Variants in BCAS1 observed in about 807,000 individuals in gnomAD.
BCAS1 encodes the protein brain enriched myelin associated protein 1.
Under a neutral mutation model 65.4 loss-of-function variants are expected in BCAS1, and 46 were observed. The ratio of observed to expected loss-of-function variants is 0.70; its 90% confidence interval spans 0.55 to 0.90. BCAS1 has a LOEUF of 0.90. Among genes scored for constraint, BCAS1 ranks in the 40% least tolerant of loss-of-function variants. The pLI, the probability that BCAS1 is intolerant of heterozygous loss-of-function variation, is 0.00. For synonymous variants in BCAS1, 298 were observed against 293.5 expected, an observed-to-expected ratio of 1.02 and a Z score of -0.16; for missense variants, 793 against 771.2, an observed-to-expected ratio of 1.03 and a Z score of -0.33.
At chr20:54,011,086 GAGA>G (rs2091309309) in intron 4 of BCAS1, among the ~76,000 whole-genome samples, 1 of 152,058 alleles carries the variant, frequency 6.6e-6, no homozygotes, top group Non-Finnish European at 1.5e-5. Context: ...TATCTCAAAA[GAGA>G]TCGTGGACTT....
At chr20:54,064,055 G>T (rs2092407650) in intron 1 of BCAS1, among the ~76,000 whole-genome samples, 1 of 152,204 alleles carries the variant, frequency 6.6e-6, no homozygotes, top group Non-Finnish European at 1.5e-5. Flanking sequence ...GCCACTGGGG[G>T]TTGATTGTGG....
At chr20:53,949,623 G>A (rs1286704481) in intron 12 of BCAS1, among the ~76,000 whole-genome samples, 1 of 152,196 alleles carries the variant, frequency 6.6e-6, no homozygotes, top group African/African-American at 2.4e-5. Flanking sequence ...TTTGGAAAGC[G>A]GCAGGGAAGC....
intron 4 of BCAS1, among the ~76,000 whole-genome samples, chr20:54,016,257 T>A (rs1341034693): frequency 6.6e-6 from 1 of 152,150 alleles, no homozygotes; most frequent in Non-Finnish European, 1.5e-5. Flanking sequence ...TTACAGACAA[T>A]ACTGGAAATT....
intron 10 of BCAS1, among the ~76,000 whole-genome samples, chr20:53,966,005 C>T (rs1385236054): frequency 2.0e-5 from 3 of 152,092 alleles, no homozygotes; most frequent in East Asian, 1.9e-4. Flanking sequence ...GTGGTGAAAA[C>T]GGAACACTTT....
intron 3 of BCAS1, among the ~76,000 whole-genome samples, chr20:54,042,215 C>T (rs546262135): frequency 6.6e-6 from 1 of 151,958 alleles, no homozygotes. Context: ...CACAGGGACA[C>T]AAAGAGGGGA....
chr20:54,001,886 C>T (rs561693437), intron 4 of BCAS1, among the ~76,000 whole-genome samples: 11 of 152,244 alleles, frequency 7.2e-5, no homozygotes, highest in East Asian at 5.8e-4. Flanking sequence ...GGACCAAAAT[C>T]GTGTCTAGTC....
chr20:54,022,631 G>A (rs1213700758), intron 4 of BCAS1, among the ~76,000 whole-genome samples: 4 of 152,098 alleles, frequency 2.6e-5, no homozygotes, highest in Non-Finnish European at 4.4e-5. Context: ...CGACCTTAAC[G>A]CAGGTAACTT....
At chr20:54,002,135 C>T (rs925463876) in intron 4 of BCAS1, among the ~76,000 whole-genome samples, 1 of 151,958 alleles carries the variant, frequency 6.6e-6, no homozygotes, top group African/African-American at 2.4e-5. Flanking sequence ...TTTGACAGAC[C>T]CTTGGAGTTT....
At chr20:54,056,477 G>A (rs191362432) in intron 3 of BCAS1, among the ~76,000 whole-genome samples, 32 of 152,250 alleles carry the variant, frequency 2.1e-4, no homozygotes, top group African/African-American at 7.2e-4. Context: ...AGTGGAATGA[G>A]GGTGAAAGTT....
At chr20:53,999,834 C>T (rs6127049) in intron 4 of BCAS1, among the ~76,000 whole-genome samples, 21,701 of 152,090 alleles carry the variant, frequency 0.14, 1,821 homozygotes, top group East Asian at 0.27. Context: ...TGGCTCAAGC[C>T]ATTTTCCTGC....
Position 53,967,141 on chromosome 20 carries a change from G to A in BCAS1, c.1318-68C>T, listed in dbSNP as rs1029572297. 3.2e-6 allele frequency: 5 copies of A among 1,561,644 alleles called. No homozygotes were observed. In the East Asian group the frequency reaches 6.8e-5, roughly 21 times the overall value. ...ATTCCCCCAAAACATGTTTTACAAA[G>A]TGGGGTCCTTGTTGCCCCCCTGTCC... On this transcript the variant is annotated intron_variant, in intron 9 of 12. Coordinates refer to ENST00000688948, the MANE Select transcript of BCAS1 (RefSeq NM_001366298.2).
At chr20:53,972,077 T>G (rs1185960774) in intron 9 of BCAS1, among the ~76,000 whole-genome samples, 1 of 152,224 alleles carries the variant, frequency 6.6e-6, no homozygotes, top group African/African-American at 2.4e-5. Flanking sequence ...TAAATACAAG[T>G]GGGCCTTGCA....
intron 9 of BCAS1, among the ~76,000 whole-genome samples, chr20:53,969,238 A>G (rs931620738): frequency 1.8e-4 from 27 of 152,026 alleles, no homozygotes; most frequent in African/African-American, 6.3e-4. Context: ...CAGGCAATAC[A>G]TGTCAAGTTC....
intron 12 of BCAS1, among the ~76,000 whole-genome samples, chr20:53,946,512 T>C (rs1238352857): frequency 6.8e-6 from 1 of 146,074 alleles, no homozygotes; most frequent in African/African-American, 2.7e-5. Flanking sequence ...ACAGTATATA[T>C]ATATATATAC....
chr20:54,025,820 G>T (rs138330026), intron 4 of BCAS1, among the ~76,000 whole-genome samples: 2,725 of 152,140 alleles, frequency 0.018, 36 homozygotes, highest in Middle Eastern at 0.037. Flanking sequence ...GGGTTGGATT[G>T]TCCCATTACA....
intron 3 of BCAS1, among the ~76,000 whole-genome samples, chr20:54,050,831 A>G (rs142514365): frequency 6.6e-6 from 1 of 152,304 alleles, no homozygotes; most frequent in Non-Finnish European, 1.5e-5. Context: ...GTTATTGAAG[A>G]ACAAATGTTA....
At chr20:54,002,644 T>C (rs1472527887) in intron 4 of BCAS1, among the ~76,000 whole-genome samples, 1 of 151,736 alleles carries the variant, frequency 6.6e-6, no homozygotes, top group Non-Finnish European at 1.5e-5. Flanking sequence ...ATGAACTTTG[T>C]CACCAAAATT....
At chr20:54,025,594 C>T (rs6022922) in intron 4 of BCAS1, among the ~76,000 whole-genome samples, 8,544 of 152,118 alleles carry the variant, frequency 0.056, 387 homozygotes, top group African/African-American at 0.13. Flanking sequence ...CAATTCACAG[C>T]TCTGTGGGCT....
chr20:54,045,814 T>A (rs1463270288), intron 3 of BCAS1, among the ~76,000 whole-genome samples: 1 of 152,252 alleles, frequency 6.6e-6, no homozygotes, highest in Non-Finnish European at 1.5e-5. Context: ...AAACACTAAT[T>A]CCCTTTTGGT....
Sources: allele counts gnomAD v4.1 joint callset (sites outside exome capture counted in the v4.1 genomes callset), GRCh38; gene constraint gnomAD v4.1.1; transcripts MANE v1.5; gene names NCBI Gene and HGNC (gene_info 2026-07-23, HGNC 2026-07-21).